MDH2: variants seen among roughly 807,000 people sequenced by gnomAD.
MDH2 encodes the protein malate dehydrogenase, mitochondrial.
MDH2 carries 25 observed loss-of-function variants against 33.6 expected under a neutral mutation model. The observed-to-expected ratio is 0.74, with a 90% CI of 0.54 to 1.04. The LOEUF is 1.04. Ranked by LOEUF, MDH2 falls within the 50% of genes least tolerant of loss-of-function variation. The pLI is 0.00. For synonymous variants in MDH2, 193 were observed against 188.7 expected (o/e 1.02, Z -0.19); for missense variants, 432 against 445.0 (o/e 0.97, Z 0.26).
chr7:76,049,649 G>T (rs1038409138), intron 1 of MDH2, among the ~76,000 whole-genome samples: 4 of 152,034 alleles, frequency 2.6e-5, no homozygotes, highest in Non-Finnish European at 1.5e-5. Context: ...TCAGATATCC[G>T]ACATATTTAT....
At chr7:76,060,264 G>A (rs1224992436) in intron 4 of MDH2, 109 bp from the exon 5 acceptor site, 1 of 1,411,918 alleles carries the variant, frequency 7.1e-7, no homozygotes, top group Non-Finnish European at 9.5e-7. Context: ...TGGCATCTTT[G>A]GACTAGTTAG....
At chr7:76,064,310 A>C (rs1798033557) in intron 6 of MDH2, 29 bp from the exon 7 acceptor site, 1 of 1,581,270 alleles carries the variant, frequency 6.3e-7, no homozygotes, top group Non-Finnish European at 8.6e-7. Flanking sequence ...GCCGGAAGCC[A>C]CTCACTGATC....
Position 76,054,887 on chromosome 7 carries a change from C to T in MDH2, c.124C>T (p.Leu42Phe). The T allele has an allele frequency of 6.2e-7, 1 of 1,614,202 alleles. No individual in the cohort carries two copies. The highest frequency in any genetic ancestry group is 8.5e-7 in the Non-Finnish European group (1 of 1,180,050). The change falls in exon 2 of 9, where the codon CTT becomes TTT. Residue 42 changes from leucine (L) to phenylalanine (F), a missense_variant. Coordinates refer to ENST00000315758, the MANE Select transcript of MDH2 (RefSeq NM_005918.4). ...ASGGIGQPLS[L>F]LLKNSPLVSR... ...TGGAGGCATCGGGCAGCCACTTTCA[C>T]TTCTCCTGAAGAACAGCCCCTTGGT... is the stretch of plus-strand genomic sequence containing the variant.
rs782361926 is a variant in MDH2 at position 76,064,905 on chromosome 7, G to C, written c.837G>C (p.Lys279Asn). Residue 279 changes from lysine to asparagine, a missense_variant, in exon 8 of 9, where the codon AAG (lysine) becomes AAC (asparagine). Physicochemically the swap from Lys to Asn is moderately conservative, Grantham distance 94. Transcript: ENST00000315758. ...KEGVVECSFV[K>N]SQETECTYFS... is the part of the protein sequence containing the mutation. ...GTGTTGTGGAATGTTCCTTCGTTAAGTCACAGGAAACGGAATGTACCTACT... is the reference window on the plus strand; with the variant it reads ...GTGTTGTGGAATGTTCCTTCGTTAACTCACAGGAAACGGAATGTACCTACT... 6.2e-7 allele frequency: 1 copy of C among 1,614,060 alleles called. No individual in the cohort carries two copies. Among genetic ancestry groups the C allele is most frequent in the African/African-American group, 1.3e-5 (1 of 74,924 alleles).
chr7:76,058,131 A>G lies in MDH2; in HGVS notation c.429+53A>G, dbSNP rs1797839783. 5 of 1,506,532 alleles carry G rather than the reference A, an allele frequency of 3.3e-6. No homozygotes were observed. In the South Asian group the frequency reaches 5.7e-5, roughly 17 times the overall value. The allele number at this position is 1,506,532 out of a possible 1,614,324, so 93.3% of individuals were successfully genotyped here. ...AGCTATGGCAGGTGTTTAGGTGCTG[A>G]CAGTGCGTGAAAAGCTCACGGTTTG... On this transcript the variant is annotated intron_variant, in intron 4 of 8. Transcript: ENST00000315758.
Position 76,048,107 on chromosome 7 carries a change from C to A in MDH2, c.-54C>A, listed in dbSNP as rs1554584376. On this transcript the variant is annotated 5_prime_UTR_variant, in exon 1 of 9. Transcript: ENST00000315758. ...GGCAGTGTGGAGGTCGTTGGAGTCA[C>A]TTCCCCGTCACCAGCTCCTGTGCCT... 2 of 1,536,402 alleles carry A rather than the reference C, an allele frequency of 1.3e-6. No individual in the cohort carries two copies. Among genetic ancestry groups the A allele is most frequent in the Non-Finnish European group, 8.7e-7 (1 of 1,146,680 alleles).
chr7:76,066,173 A>G lies in MDH2; in HGVS notation c.886-106A>G, dbSNP rs1315359226. On this transcript the variant is annotated intron_variant, in intron 8 of 8. Coordinates refer to ENST00000315758, the MANE Select transcript of MDH2 (RefSeq NM_005918.4). The stretch of plus-strand genomic sequence containing the variant: ...CCCCAGCAAGGCACCCAGAACCCGC[A>G]TGTGTAGAGAGACTCCTCGGCAGGG... 29 of 1,405,608 alleles carry G rather than the reference A, an allele frequency of 2.1e-5. No homozygotes were observed. In the East Asian group the frequency reaches 5.6e-4, roughly 27 times the overall value. The allele number at this position is 1,405,608 out of a possible 1,614,324, so 87.1% of individuals were successfully genotyped here. A position where few individuals can be genotyped will look rare whatever the true frequency, so the allele number is the denominator to read the frequency against.
At chr7:76,066,086 C>T (rs1554587825) in intron 8 of MDH2, among the ~76,000 whole-genome samples, 193 bp from the exon 9 acceptor site, 1 of 152,132 alleles carries the variant, frequency 6.6e-6, no homozygotes, top group African/African-American at 2.4e-5. Flanking sequence ...CTGGCACCCT[C>T]TGGCTCTGAG....
chr7:76,052,536 T>C (rs1797657024), intron 1 of MDH2, among the ~76,000 whole-genome samples: 1 of 149,036 alleles, frequency 6.7e-6, no homozygotes, highest in Non-Finnish European at 1.5e-5. Flanking sequence ...CCTGGCTGAG[T>C]GATGGAGGCA....
intron 1 of MDH2, chr7:76,048,504 T>G: frequency 1.5e-6 from 2 of 1,314,700 alleles, no homozygotes; most frequent in Non-Finnish European, 1.9e-6. Flanking sequence ...GACCTGCTCT[T>G]GGCTTGCACG....
Position 76,048,121 on chromosome 7 carries a change from G to A in MDH2, c.-40G>A. The A allele has an allele frequency of 6.5e-7, 1 of 1,536,582 alleles. No homozygotes were observed. The highest frequency in any genetic ancestry group is 8.7e-7 in the Non-Finnish European group (1 of 1,146,686). The stretch of plus-strand genomic sequence containing the variant: ...CGTTGGAGTCACTTCCCCGTCACCA[G>A]CTCCTGTGCCTGCCAGTCGGTGCCC... On this transcript the variant is annotated 5_prime_UTR_variant, in exon 1 of 9. Coordinates refer to ENST00000315758, the MANE Select transcript of MDH2 (RefSeq NM_005918.4).
At chr7:76,055,415 C>T (rs189685354) in intron 2 of MDH2, among the ~76,000 whole-genome samples, 4 of 151,944 alleles carry the variant, frequency 2.6e-5, no homozygotes, top group East Asian at 1.9e-4. Context: ...AAGGCAGTGT[C>T]GGATATTCAG....
intron 6 of MDH2, 55 bp from the exon 7 acceptor site, chr7:76,064,284 G>A: frequency 1.5e-6 from 2 of 1,375,490 alleles, no homozygotes; most frequent in Non-Finnish European, 2.0e-6. Context: ...GGGAGGCAGT[G>A]GGTCTGGGGT....
chr7:76,064,786 G>C lies in MDH2; in HGVS notation c.734-16G>C, dbSNP rs782515028. The C allele has an allele frequency of 6.2e-6, 10 of 1,611,148 alleles. No individual in the cohort carries two copies. The highest frequency in any genetic ancestry group is 4.2e-6 in the Non-Finnish European group (5 of 1,178,970). ...TTTGTGGCACCAGCCAGGCTGACCT[G>C]TCTGTGCCCCCCTAGGCTCTGCCAC... On this transcript the variant is annotated splice_polypyrimidine_tract_variant and intron_variant, in intron 7 of 8. Coordinates refer to ENST00000315758, the MANE Select transcript of MDH2 (RefSeq NM_005918.4).
intron 2 of MDH2, among the ~76,000 whole-genome samples, chr7:76,055,918 C>G (rs1340458175): frequency 6.7e-6 from 1 of 150,202 alleles, no homozygotes; most frequent in Non-Finnish European, 1.5e-5. Context: ...ACCTCCCCAT[C>G]TTGGGTTCAA....
intron 5 of MDH2, among the ~76,000 whole-genome samples, chr7:76,061,939 A>G (rs1797965406): frequency 6.6e-6 from 1 of 152,176 alleles, no homozygotes; most frequent in South Asian, 2.1e-4. Context: ...CACATTTAAG[A>G]TGCTCCATGG....
intron 1 of MDH2, among the ~76,000 whole-genome samples, chr7:76,054,353 C>G (rs1397706045): frequency 6.6e-6 from 1 of 152,218 alleles, no homozygotes; most frequent in Non-Finnish European, 1.5e-5. Context: ...GCCGCAACCC[C>G]ATCTGCCCTC....
chr7:76,062,741 C>T (rs1797989432), intron 5 of MDH2, among the ~76,000 whole-genome samples: 1 of 152,150 alleles, frequency 6.6e-6, no homozygotes, highest in East Asian at 1.9e-4. Flanking sequence ...ATGGCAACAC[C>T]CCATCTGTAC....
chr7:76,060,135 G>A (rs1349855869), intron 4 of MDH2, among the ~76,000 whole-genome samples: 1 of 152,174 alleles, frequency 6.6e-6, no homozygotes, highest in Non-Finnish European at 1.5e-5. Flanking sequence ...GATAGCTGAA[G>A]GGCCACCAAG....
Sources: gnomAD v4.1 joint callset for allele counts (sites outside exome capture counted in the v4.1 genomes callset) on GRCh38, gnomAD v4.1.1 for gene constraint, MANE v1.5 for transcripts, NCBI Gene and HGNC (gene_info 2026-07-23, HGNC 2026-07-21) for gene names.